DCC: variants seen among roughly 807,000 people sequenced by gnomAD.
DCC encodes netrin receptor DCC.
Under a neutral mutation model 172.5 loss-of-function variants are expected in DCC, and 58 were observed. The ratio of observed to expected loss-of-function variants is 0.34; its 90% CI spans 0.27 to 0.42. The LOEUF is 0.42. DCC is among the 10% of genes least tolerant of loss of function. The pLI, the probability that DCC is intolerant of heterozygous loss-of-function variation, is 1.00. For missense variants in DCC, 1,740 were observed against 1,791.0 expected, an observed-to-expected ratio of 0.97 and a Z score of 0.51; for synonymous variants, 709 against 644.5, an observed-to-expected ratio of 1.10 and a Z score of -1.52.
intron 1 of DCC, among the ~76,000 whole-genome samples, chr18:52,578,018 A>T (rs2033455876): frequency 6.6e-6 from 1 of 152,190 alleles, no homozygotes; most frequent in Non-Finnish European, 1.5e-5. Context: ...ATCACCAAGG[A>T]TCACCAAGGC....
At chr18:53,161,382 A>G (rs1440367771) in intron 8 of DCC, among the ~76,000 whole-genome samples, 3 of 152,068 alleles carry the variant, frequency 2.0e-5, no homozygotes, top group Admixed American at 6.6e-5. Flanking sequence ...TGCTCTCCTC[A>G]TTCTACTCTG....
chr18:52,848,823 A>AT (rs370933284), intron 2 of DCC, among the ~76,000 whole-genome samples: 32 of 152,278 alleles, frequency 2.1e-4, no homozygotes, highest in African/African-American at 7.2e-4. Context: ...ATTCAGTTCC[A>AT]TTTATCCATG....
At chr18:52,350,537 G>A (rs1207846993) in intron 1 of DCC, among the ~76,000 whole-genome samples, 1 of 151,988 alleles carries the variant, frequency 6.6e-6, no homozygotes, top group Non-Finnish European at 1.5e-5. Flanking sequence ...GGAGTTGGGG[G>A]CTAGGGGAGG....
At chr18:53,530,381 CTTA>C (rs1456172625) in intron 28 of DCC, 180 bp from the exon 29 acceptor site, 1 of 704,838 alleles carries the variant, frequency 1.4e-6, no homozygotes. Context: ...TATGCAATCT[CTTA>C]TTATCCCCTT....
intron 1 of DCC, among the ~76,000 whole-genome samples, chr18:52,512,535 T>C (rs182875588): frequency 2.0e-5 from 3 of 152,344 alleles, no homozygotes; most frequent in East Asian, 1.9e-4. Flanking sequence ...TAATGGATGT[T>C]CTATTGGATT....
intron 15 of DCC, among the ~76,000 whole-genome samples, chr18:53,349,412 T>C (rs553306655): frequency 1.3e-5 from 2 of 152,150 alleles, no homozygotes; most frequent in Non-Finnish European, 2.9e-5. Context: ...TTGTCCTATC[T>C]TCTTCTGAGC....
intron 21 of DCC, among the ~76,000 whole-genome samples, chr18:53,422,201 G>A (rs1910674746): frequency 6.6e-6 from 1 of 152,132 alleles, no homozygotes; most frequent in East Asian, 1.9e-4. Context: ...ACACTCAGCA[G>A]CTCCTGGAAG....
At chr18:52,451,162 C>A (rs146264223) in intron 1 of DCC, among the ~76,000 whole-genome samples, 250 of 152,222 alleles carry the variant, frequency 1.6e-3, no homozygotes, top group African/African-American at 5.9e-3. Flanking sequence ...TATGTCTTTC[C>A]TCCCTCCCTT....
chr18:52,644,847 G>A (rs1278475024), intron 1 of DCC, among the ~76,000 whole-genome samples: 2 of 150,276 alleles, frequency 1.3e-5, no homozygotes, highest in Non-Finnish European at 3.0e-5. Flanking sequence ...GAAGGAGGGA[G>A]GGAAGGAAGG....
intron 25 of DCC, among the ~76,000 whole-genome samples, chr18:53,478,492 G>A (rs897641597): frequency 6.6e-6 from 1 of 152,030 alleles, no homozygotes. Context: ...AAGTATGAGA[G>A]GTTTTTGGGC....
intron 5 of DCC, among the ~76,000 whole-genome samples, chr18:53,045,525 C>T (rs1203512225): frequency 1.3e-5 from 2 of 151,820 alleles, no homozygotes; most frequent in African/African-American, 4.8e-5. Context: ...CACACATGTG[C>T]ACATACATAC....
chr18:52,681,154 A>C (rs367777532), intron 1 of DCC, among the ~76,000 whole-genome samples: 9 of 152,094 alleles, frequency 5.9e-5, no homozygotes, highest in African/African-American at 2.2e-4. Flanking sequence ...TTTACAGAGA[A>C]GAATGCAGAA....
chr18:53,349,916 A>C (rs895251153), intron 15 of DCC, among the ~76,000 whole-genome samples: 2 of 152,224 alleles, frequency 1.3e-5, no homozygotes, highest in African/African-American at 4.8e-5. Context: ...ATTTTAAAGC[A>C]ATCTTCTCAC....
intron 1 of DCC, among the ~76,000 whole-genome samples, chr18:52,512,229 G>C (rs1188484944): frequency 2.0e-5 from 3 of 152,168 alleles, no homozygotes; most frequent in Admixed American, 6.5e-5. Context: ...TCTTAGCCTT[G>C]TGTACTTTCC....
At chr18:53,416,217 C>G (rs1910303470) in intron 21 of DCC, 61 bp downstream of exon 21, 1 of 1,172,346 alleles carries the variant, frequency 8.5e-7, no homozygotes, top group Admixed American at 1.7e-5. Context: ...TTAGACATGT[C>G]AGTCATTACT....
chr18:53,226,162 T>G (rs2056024721), intron 12 of DCC, among the ~76,000 whole-genome samples: 1 of 152,034 alleles, frequency 6.6e-6, no homozygotes, highest in Non-Finnish European at 1.5e-5. Context: ...TTGGACACAA[T>G]GTTTCGGATA....
intron 2 of DCC, among the ~76,000 whole-genome samples, chr18:52,876,787 C>A (rs2039409368): frequency 6.6e-6 from 1 of 152,080 alleles, no homozygotes; most frequent in African/African-American, 2.4e-5. Flanking sequence ...CAGGAGCTGC[C>A]TTAGAGATTT....
At chr18:52,917,388 A>G (rs1024521013) in intron 3 of DCC, among the ~76,000 whole-genome samples, 1 of 152,168 alleles carries the variant, frequency 6.6e-6, no homozygotes, top group East Asian at 1.9e-4. Context: ...TATGGAATGT[A>G]TTTGTTGCTA....
intron 2 of DCC, among the ~76,000 whole-genome samples, chr18:52,895,532 A>G (rs2039715810): frequency 6.6e-6 from 1 of 152,176 alleles, no homozygotes; most frequent in Non-Finnish European, 1.5e-5. Flanking sequence ...GTATTTTTAA[A>G]GATATGCTTG....
Sources: allele counts gnomAD v4.1 joint callset (sites outside exome capture counted in the v4.1 genomes callset), GRCh38; gene constraint gnomAD v4.1.1; transcripts MANE v1.5; gene names NCBI Gene and HGNC (gene_info 2026-07-23, HGNC 2026-07-21).